The following BLOC1S2 variants were observed in gnomAD, a reference collection of about 807,000 sequenced individuals.
BLOC1S2 encodes biogenesis of lysosomal organelles complex 1 subunit 2.
In BLOC1S2, 12 loss-of-function variants were observed where a neutral mutation model predicts 19.6. The ratio of observed to expected loss-of-function variants is 0.61; its 90% confidence interval spans 0.39 to 0.99. The LOEUF (loss-of-function observed/expected upper bound fraction) is 0.99, where lower values mean the gene tolerates loss of function less well. Ranked by LOEUF, BLOC1S2 falls within the 50% of genes least tolerant of loss-of-function variation. The pLI is 0.00. For synonymous variants in BLOC1S2, 66 were observed against 64.1 expected (o/e 1.03, Z -0.14); for missense variants, 142 against 171.0 (o/e 0.83, Z 0.95).
Position 100,275,180 on chromosome 10 carries a change from G to C in BLOC1S2, c.*282C>G. 1 of 415,834 alleles carries C rather than the reference G, an allele frequency of 2.4e-6. No homozygotes were observed. The highest frequency in any genetic ancestry group is 2.0e-5 in the African/African-American group (1 of 49,194). 25.8% of individuals were successfully genotyped at this position (415,834 alleles called of 1,614,324 possible). ...TCATTTGATTTTACTGGTAAGTCCA[G>C]CTGTTTTCTGAACTTTGTGAGAGTC... On this transcript the variant is annotated 3_prime_UTR_variant, in exon 5 of 5. Transcript: ENST00000370372.
rs371285720 is a variant in BLOC1S2 at position 100,280,232 on chromosome 10, T to C, written c.293-4A>G. 5 of 1,593,016 alleles carry C rather than the reference T, an allele frequency of 3.1e-6. No individual in the cohort carries two copies. In the African/African-American group the frequency reaches 5.4e-5, roughly 17 times the overall value. On this transcript the variant is annotated splice_polypyrimidine_tract_variant and splice_region_variant and intron_variant, in intron 3 of 4. Coordinates refer to ENST00000370372, the MANE Select transcript of BLOC1S2 (RefSeq NM_173809.5). ...AGATAAGGCTGCAGTCCAGCATCTT[T>C]AAAAACAAAGAAAAACTTCATGTTT...
At chr10:100,281,745 C>CAA (rs1848115737) in intron 2 of BLOC1S2, among the ~76,000 whole-genome samples, 1 of 138,522 alleles carries the variant, frequency 7.2e-6, no homozygotes, top group Admixed American at 7.1e-5. Context: ...CACACACACA[C>CAA]TATCAGCTAG....
At position 100,273,663 on chromosome 10, in the gene BLOC1S2, C is replaced by A. The variant is rs1248569299; in HGVS notation, c.*1799G>T. On this transcript the variant is annotated 3_prime_UTR_variant, in exon 5 of 5. Transcript: ENST00000370372. ...CAGCCTGGCCAACATGGTGAAACCC[C>A]GTCTCTACTAAAAATACAAAAATTA... The A allele has an allele frequency of 6.6e-6, 1 of 151,864 alleles. No homozygotes were observed. The highest frequency in any genetic ancestry group is 1.5e-5 in the Non-Finnish European group (1 of 68,014). The allele number at this position is 151,864 out of a possible 1,614,324, so 9.4% of individuals were successfully genotyped here. A position where few individuals can be genotyped will look rare whatever the true frequency, so the allele number is the denominator to read the frequency against.
In BLOC1S2 at chr10:100,277,211, G is replaced by C. The variant is rs1589647051; in HGVS notation, c.398-1718C>G. On this transcript the variant is annotated intron_variant, in intron 4 of 4. Coordinates refer to ENST00000370372, the MANE Select transcript of BLOC1S2 (RefSeq NM_173809.5). ...CCGGCCGCCCCGTCTGAGAAGTGAG[G>C]AGACCCTCCGCCTGGTAACCGCCCC... 2.0e-5 allele frequency among the ~76,000 whole-genome samples: 3 copies of C among 150,596 alleles called. No homozygotes were observed. In the South Asian group the frequency reaches 6.3e-4, roughly 32 times the overall value.
chr10:100,277,580 AGCC>A, intron 4 of BLOC1S2, among the ~76,000 whole-genome samples: 7 of 109,316 alleles, frequency 6.4e-5, no homozygotes, highest in Admixed American at 2.6e-4. Flanking sequence ...CCGCCCGGCC[AGCC>A]GCTCCGTCCG....
intron 3 of BLOC1S2, among the ~76,000 whole-genome samples, chr10:100,280,429 T>C (rs1041820429): frequency 6.6e-6 from 1 of 152,206 alleles, no homozygotes; most frequent in Non-Finnish European, 1.5e-5. Context: ...GGCCCAGACT[T>C]AGTGTCTCTC....
At chr10:100,285,342 A>ACCTCCAC (rs1459242794) in intron 2 of BLOC1S2, among the ~76,000 whole-genome samples, 1 of 151,822 alleles carries the variant, frequency 6.6e-6, no homozygotes, top group Admixed American at 6.6e-5. Context: ...GCAACCTGCA[A>ACCTCCAC]CCTCCACCTC....
chr10:100,286,643 T>G lies in BLOC1S2; in HGVS notation c.17A>C (p.Glu6Ala). The change falls in exon 1 of 5, where the codon GAG becomes GCG. Residue 6 changes from glutamate (E) to alanine (A), a missense_variant. Transcript: ENST00000370372. Reference protein sequence around the residue: MAAAAEGVLATRSDEP... With the variant: MAAAAAGVLATRSDEP... The stretch of plus-strand genomic sequence containing the variant: ...ATCACTCCGGGTCGCCAGTACGCCC[T>G]CGGCTGCCGCCGCCATAGCGGACCC... 1 of 1,609,930 alleles carries G rather than the reference T, an allele frequency of 6.2e-7. No individual in the cohort carries two copies. The highest frequency in any genetic ancestry group is 8.5e-7 in the Non-Finnish European group (1 of 1,178,380).
chr10:100,280,835 C>T, intron 3 of BLOC1S2, 99 bp downstream of exon 3: 2 of 1,377,548 alleles, frequency 1.5e-6, no homozygotes, highest in Non-Finnish European at 9.5e-7. Flanking sequence ...AACAAGCTCC[C>T]ACAAGACAAG....
intron 4 of BLOC1S2, among the ~76,000 whole-genome samples, chr10:100,275,715 C>T (rs1040002822): frequency 6.6e-6 from 1 of 152,174 alleles, no homozygotes; most frequent in South Asian, 2.1e-4. Context: ...CACAGGTTCA[C>T]GAAGTCCTCA....
chr10:100,280,473 C>T (rs1029378770), intron 3 of BLOC1S2, among the ~76,000 whole-genome samples: 1 of 152,190 alleles, frequency 6.6e-6, no homozygotes, highest in Non-Finnish European at 1.5e-5. Flanking sequence ...TAATTTCTTG[C>T]TCCTTGAGCA....
In BLOC1S2 at chr10:100,274,907, G is replaced by A; in HGVS notation, c.*555C>T. On this transcript the variant is annotated 3_prime_UTR_variant, in exon 5 of 5. Transcript: ENST00000370372. ...TTCACCATTTCTGCTCAATCTAGAA[G>A]ACTCAGCTTGGAATTATTTTAAGAT... The A allele has an allele frequency of 5.0e-6, 2 of 398,478 alleles. No homozygotes were observed. The allele number at this position is 398,478 out of a possible 1,614,324, so 24.7% of individuals were successfully genotyped here. A position where few individuals can be genotyped will look rare whatever the true frequency, so the allele number is the denominator to read the frequency against.
In BLOC1S2 at chr10:100,274,983, G is replaced by C. The variant is rs1847816567; in HGVS notation, c.*479C>G. The C allele has an allele frequency of 2.5e-6, 1 of 398,716 alleles. No individual in the cohort carries two copies. The highest frequency in any genetic ancestry group is 4.4e-5 in the Admixed American group (1 of 22,698). 24.7% of individuals were successfully genotyped at this position (398,716 alleles called of 1,614,324 possible). The stretch of plus-strand genomic sequence containing the variant: ...AAAGTAAGTTACCGACATTCACAAG[G>C]TGATAAGCTGCAAAGAACAAGTTTG... On this transcript the variant is annotated 3_prime_UTR_variant, in exon 5 of 5. Coordinates refer to ENST00000370372, the MANE Select transcript of BLOC1S2 (RefSeq NM_173809.5).
intron 4 of BLOC1S2, among the ~76,000 whole-genome samples, chr10:100,276,304 A>G (rs1357468232): frequency 4.5e-4 from 44 of 97,988 alleles, no homozygotes; most frequent in African/African-American, 1.3e-3. Context: ...CTCCCTCTCC[A>G]TCTCCCTCTC....
At chr10:100,278,025 C>G (rs1374322503) in intron 4 of BLOC1S2, among the ~76,000 whole-genome samples, 1 of 119,976 alleles carries the variant, frequency 8.3e-6, no homozygotes, top group Non-Finnish European at 1.8e-5. Context: ...ATCAGCCCCC[C>G]GCCCGGCCAG....
At chr10:100,277,603 T>G (rs1385694532) in intron 4 of BLOC1S2, among the ~76,000 whole-genome samples, 4 of 85,732 alleles carry the variant, frequency 4.7e-5, no homozygotes, top group African/African-American at 9.8e-5. Flanking sequence ...GGGAGGGAGG[T>G]GGGAGGGGGT....
At position 100,274,292 on chromosome 10, in the gene BLOC1S2, A is replaced by C. The variant is rs907800747; in HGVS notation, c.*1170T>G. ...ACAAGGGACTTGTATGCATAATGAAAGTCTAGATTTTTCAGAGGCCATGAT... is the reference window on the plus strand; with the variant it reads ...ACAAGGGACTTGTATGCATAATGAACGTCTAGATTTTTCAGAGGCCATGAT... On this transcript the variant is annotated 3_prime_UTR_variant, in exon 5 of 5. Transcript: ENST00000370372. 1.4e-5 allele frequency: 2 copies of C among 139,492 alleles called. No individual in the cohort carries two copies. The highest frequency in any genetic ancestry group is 6.7e-5 in the African/African-American group (2 of 30,074). 8.6% of individuals were successfully genotyped at this position (139,492 alleles called of 1,614,324 possible).
At chr10:100,286,478 A>C (rs1208761808) in intron 1 of BLOC1S2, 127 bp downstream of exon 1, 1 of 1,493,108 alleles carries the variant, frequency 6.7e-7, no homozygotes. Context: ...ACTCGCGCGC[A>C]GCGACAAGTG....
intron 2 of BLOC1S2, 68 bp from the exon 3 acceptor site, chr10:100,281,121 A>C: frequency 6.3e-7 from 1 of 1,575,150 alleles, no homozygotes. Flanking sequence ...GTGGGAGTAT[A>C]AGCTAAGTGG....
Sources: allele counts gnomAD v4.1 joint callset (sites outside exome capture counted in the v4.1 genomes callset), GRCh38; gene constraint gnomAD v4.1.1; transcripts MANE v1.5; gene names NCBI Gene and HGNC (gene_info 2026-07-23, HGNC 2026-07-21).